The following EYA1 variants were observed in gnomAD, a reference collection of about 807,000 sequenced individuals.
EYA1 encodes protein phosphatase EYA1.
Under a neutral mutation model 82.0 loss-of-function variants are expected in EYA1, and 16 were observed. That is an observed-to-expected ratio of 0.20 (90% CI 0.13 to 0.30). The LOEUF (loss-of-function observed/expected upper bound fraction) is 0.30, where lower values mean the gene tolerates loss of function less well. Among genes scored for constraint, EYA1 ranks in the 10% least tolerant of loss-of-function variants. The pLI is 1.00. For synonymous variants in EYA1, 261 were observed against 264.4 expected (o/e 0.99, Z 0.12); for missense variants, 633 against 730.7 (o/e 0.87, Z 1.54).
intron 2 of EYA1, among the ~76,000 whole-genome samples, chr8:71,448,252 C>T (rs1261866169): frequency 6.6e-6 from 1 of 152,102 alleles, no homozygotes; most frequent in Non-Finnish European, 1.5e-5. Context: ...GTTTTCTCAA[C>T]TAGGCTGATG....
At chr8:71,221,419 TCA>T (rs1472655423) in intron 12 of EYA1, among the ~76,000 whole-genome samples, 1 of 152,060 alleles carries the variant, frequency 6.6e-6, no homozygotes, top group Admixed American at 6.6e-5. Context: ...CACCCCCAAG[TCA>T]CAGATGTGAG....
At chr8:71,430,479 G>C (rs1805536503) in intron 2 of EYA1, among the ~76,000 whole-genome samples, 1 of 152,150 alleles carries the variant, frequency 6.6e-6, no homozygotes, top group African/African-American at 2.4e-5. Context: ...GGAATCCTGG[G>C]AACCAACATG....
intron 2 of EYA1, among the ~76,000 whole-genome samples, chr8:71,378,249 G>A (rs1828491299): frequency 6.6e-6 from 1 of 152,060 alleles, no homozygotes; most frequent in Non-Finnish European, 1.5e-5. Flanking sequence ...GGCTAAGGAA[G>A]ATATTAATAG....
At chr8:71,406,314 G>C (rs1830216544) in intron 2 of EYA1, among the ~76,000 whole-genome samples, 1 of 152,206 alleles carries the variant, frequency 6.6e-6, no homozygotes, top group African/African-American at 2.4e-5. Context: ...GACCATTACA[G>C]AAATGAGAAT....
chr8:71,542,326 T>A (rs1265854636), intron 1 of EYA1, among the ~76,000 whole-genome samples: 2 of 152,194 alleles, frequency 1.3e-5, no homozygotes, highest in Non-Finnish European at 2.9e-5. Flanking sequence ...CTATTTGGTT[T>A]TCTGTTTCTG....
chr8:71,224,626 C>T (rs13260349), intron 12 of EYA1, among the ~76,000 whole-genome samples: 64,578 of 152,104 alleles, frequency 0.42, 14,631 homozygotes, highest in African/African-American at 0.57. Flanking sequence ...AGTTCTAGTA[C>T]TTTAGTGACA....
chr8:71,303,359 A>AT lies in EYA1; in HGVS notation c.557-3640dup, dbSNP rs1400296619. On this transcript the variant is annotated intron_variant, in intron 7 of 17. Transcript: ENST00000340726. The stretch of plus-strand genomic sequence containing the variant: ...ACACATCCATGACTTACTAATCAGT[A>AT]TTTTAAGCCAAGTACTAATTGACCT... Among the ~76,000 whole-genome samples the AT allele has an allele frequency of 1.1e-4, 15 of 141,876 alleles. 4 individuals carry two copies. Among genetic ancestry groups the AT allele is most frequent in the Non-Finnish European group, 2.4e-4 (15 of 62,506 alleles). The allele number at this position is 141,876 out of a possible 152,430, so 93.1% of individuals were successfully genotyped here.
chr8:71,511,765 T>G (rs1426632042), intron 2 of EYA1, among the ~76,000 whole-genome samples: 2 of 152,140 alleles, frequency 1.3e-5, no homozygotes, highest in Non-Finnish European at 2.9e-5. Flanking sequence ...AAATCAAGCC[T>G]CACGATTGAA....
chr8:71,354,969 T>G (rs1486392399), intron 2 of EYA1, 60 bp from the exon 3 acceptor site: 5 of 1,549,280 alleles, frequency 3.2e-6, no homozygotes, highest in Non-Finnish European at 4.4e-6. Flanking sequence ...CACCATTTAA[T>G]GCGCTAATGA....
At chr8:71,329,810 A>G (rs1823605719) in intron 4 of EYA1, among the ~76,000 whole-genome samples, 1 of 152,350 alleles carries the variant, frequency 6.6e-6, no homozygotes, top group African/African-American at 2.4e-5. Flanking sequence ...GTGAGAGTCC[A>G]AAACTAAACA....
chr8:71,289,246 G>A (rs911533736), intron 9 of EYA1, among the ~76,000 whole-genome samples: 1 of 152,192 alleles, frequency 6.6e-6, no homozygotes, highest in African/African-American at 2.4e-5. Context: ...GATTCAGGAA[G>A]TGGAAAATGA....
At chr8:71,451,376 C>G (rs1807359597) in intron 2 of EYA1, among the ~76,000 whole-genome samples, 1 of 152,018 alleles carries the variant, frequency 6.6e-6, no homozygotes, top group Admixed American at 6.6e-5. Flanking sequence ...ATTATATCTT[C>G]AGAAACTATT....
At chr8:71,470,169 G>A (rs1431544822) in intron 2 of EYA1, among the ~76,000 whole-genome samples, 1 of 152,048 alleles carries the variant, frequency 6.6e-6, no homozygotes, top group Non-Finnish European at 1.5e-5. Context: ...CAAAACCTAT[G>A]AGAGTCTTCC....
chr8:71,275,949 ACTAT>A (rs968836009), intron 9 of EYA1, among the ~76,000 whole-genome samples: 2 of 152,196 alleles, frequency 1.3e-5, no homozygotes, highest in Non-Finnish European at 2.9e-5. Flanking sequence ...TCTGCTTTAC[ACTAT>A]CCCTTATCAG....
chr8:71,355,782 A>G (rs1036100063), intron 2 of EYA1, among the ~76,000 whole-genome samples: 1 of 152,210 alleles, frequency 6.6e-6, no homozygotes, highest in Non-Finnish European at 1.5e-5. Flanking sequence ...TTATTCCATA[A>G]AAGGTACAAA....
intron 3 of EYA1, among the ~76,000 whole-genome samples, chr8:71,339,374 A>G (rs1365878001): frequency 6.6e-6 from 1 of 152,166 alleles, no homozygotes; most frequent in African/African-American, 2.4e-5. Flanking sequence ...TGAGTATAGC[A>G]GAACAGGTGC....
chr8:71,372,783 C>A (rs535170898), intron 2 of EYA1, among the ~76,000 whole-genome samples: 64 of 152,064 alleles, frequency 4.2e-4, no homozygotes, highest in Non-Finnish European at 6.9e-4. Flanking sequence ...ACATTATACA[C>A]CATGACCAAG....
chr8:71,540,106 C>A (rs974421405), intron 1 of EYA1, among the ~76,000 whole-genome samples: 1 of 134,480 alleles, frequency 7.4e-6, no homozygotes, highest in African/African-American at 3.0e-5. Context: ...GCTTTAAACA[C>A]AGAAACTTTA....
intron 17 of EYA1, among the ~76,000 whole-genome samples, chr8:71,209,531 G>A (rs1488267736): frequency 6.6e-6 from 1 of 152,110 alleles, no homozygotes; most frequent in African/African-American, 2.4e-5. Flanking sequence ...TTTAAAATTA[G>A]GGTCAGTGAT....
Sources: allele counts gnomAD v4.1 joint callset (sites outside exome capture counted in the v4.1 genomes callset), GRCh38; gene constraint gnomAD v4.1.1; transcripts MANE v1.5; gene names NCBI Gene and HGNC (gene_info 2026-07-23, HGNC 2026-07-21).